Variants in DNAJC16 observed in about 807,000 individuals in gnomAD.
DNAJC16 encodes the protein DnaJ heat shock protein family (Hsp40) member C16, also known as dnaJ homolog subfamily C member 16.
Under a neutral mutation model 92.7 loss-of-function variants are expected in DNAJC16, and 76 were observed. The observed-to-expected ratio is 0.82, with a 90% CI of 0.68 to 0.99. DNAJC16 has a LOEUF of 0.99. Ranked by LOEUF, DNAJC16 falls within the 50% of genes least tolerant of loss-of-function variation. The pLI, the probability that DNAJC16 is intolerant of heterozygous loss-of-function variation, is 0.00. For missense variants in DNAJC16, 869 were observed against 942.4 expected (o/e 0.92, Z 1.02); for synonymous variants, 328 against 358.7 (o/e 0.91, Z 0.97).
At chr1:15,565,292 T>A (rs1417498729) in intron 11 of DNAJC16, 1 of 154,204 alleles carries the variant, frequency 6.5e-6, no homozygotes, top group Non-Finnish European at 1.4e-5. Context: ...GTCCAGTGTA[T>A]AGATGTAAAA....
intron 1 of DNAJC16, among the ~76,000 whole-genome samples, chr1:15,528,038 T>G (rs1260456566): frequency 6.6e-6 from 1 of 152,262 alleles, no homozygotes; most frequent in Non-Finnish European, 1.5e-5. Context: ...CTTGAAACTT[T>G]TAAAGACCAC....
intron 7 of DNAJC16, among the ~76,000 whole-genome samples, chr1:15,558,797 C>T (rs1376989793): frequency 6.6e-6 from 1 of 152,148 alleles, no homozygotes; most frequent in Admixed American, 6.6e-5. Context: ...GGTTTTGTAA[C>T]CTGCCTTTTA....
chr1:15,541,730 G>A (rs1710935545), intron 4 of DNAJC16, among the ~76,000 whole-genome samples: 1 of 152,168 alleles, frequency 6.6e-6, no homozygotes, highest in Admixed American at 6.5e-5. Flanking sequence ...GATGTACAAG[G>A]ATGCCCGTCA....
At chr1:15,539,250 T>C (rs897724443) in intron 4 of DNAJC16, among the ~76,000 whole-genome samples, 4 of 151,784 alleles carry the variant, frequency 2.6e-5, no homozygotes, top group Admixed American at 6.6e-5. Context: ...TTTATTTTTT[T>C]TTTTTATTTT....
At chr1:15,552,323 TA>T (rs569635595) in intron 7 of DNAJC16, among the ~76,000 whole-genome samples, 6 of 150,294 alleles carry the variant, frequency 4.0e-5, no homozygotes, top group African/African-American at 1.2e-4. Context: ...CTGTTTCTAC[TA>T]AAAAAAAATA....
At chr1:15,539,156 C>T (rs551728193) in intron 4 of DNAJC16, among the ~76,000 whole-genome samples, 69 of 152,222 alleles carry the variant, frequency 4.5e-4, no homozygotes, top group Non-Finnish European at 7.4e-4. Flanking sequence ...TTTTAATTCC[C>T]GAGGGTGTGC....
chr1:15,549,774 G>A (rs190692842), intron 7 of DNAJC16, among the ~76,000 whole-genome samples: 1,656 of 134,852 alleles, frequency 0.012, 39 homozygotes, highest in African/African-American at 0.044. Context: ...AGATCACGCC[G>A]CCCACTGCAC....
intron 1 of DNAJC16, among the ~76,000 whole-genome samples, chr1:15,528,074 A>C (rs1710562092): frequency 6.6e-6 from 1 of 152,180 alleles, no homozygotes; most frequent in East Asian, 1.9e-4. Flanking sequence ...TTTGCCGTTA[A>C]TTCTTCTTCA....
intron 3 of DNAJC16, among the ~76,000 whole-genome samples, chr1:15,535,975 G>A (rs1710770126): frequency 6.6e-6 from 1 of 151,034 alleles, no homozygotes; most frequent in African/African-American, 2.4e-5. Context: ...ATGTGGTCCA[G>A]GCTGGTCTTG....
Position 15,530,072 on chromosome 1 carries a change from A to G in DNAJC16, c.167+800A>G, listed in dbSNP as rs1284397095. Among the ~76,000 whole-genome samples, 3 of 152,062 alleles carry G rather than the reference A, an allele frequency of 2.0e-5. No individual in the cohort carries two copies. The South Asian group carries it at 6.2e-4, about 32-fold the overall frequency. On this transcript the variant is annotated intron_variant, in intron 2 of 14. Transcript: ENST00000375847. ...AAAATATTATATTTTGGTTGGTGGAATCCATGGATGTGAAACCAACAGATA... is the reference window on the plus strand; with the variant it reads ...AAAATATTATATTTTGGTTGGTGGAGTCCATGGATGTGAAACCAACAGATA...
At chr1:15,555,096 C>T (rs1053482299) in intron 7 of DNAJC16, among the ~76,000 whole-genome samples, 27 of 149,426 alleles carry the variant, frequency 1.8e-4, no homozygotes, top group Non-Finnish European at 1.5e-4. Context: ...AGAATGTAGG[C>T]CAGGCGCGGT....
intron 8 of DNAJC16, among the ~76,000 whole-genome samples, chr1:15,561,106 A>G (rs1241038670): frequency 1.5e-5 from 2 of 132,704 alleles, no homozygotes; most frequent in Non-Finnish European, 3.3e-5. Flanking sequence ...TCCCCTTTTC[A>G]TCTTTTTTTT....
intron 2 of DNAJC16, among the ~76,000 whole-genome samples, chr1:15,533,601 C>T (rs1416449268): frequency 6.6e-6 from 1 of 152,056 alleles, no homozygotes; most frequent in Admixed American, 6.6e-5. Context: ...GCATTCCAGT[C>T]TGGGCAACAG....
chr1:15,538,289 G>A (rs1380950972), intron 4 of DNAJC16, among the ~76,000 whole-genome samples: 1 of 152,092 alleles, frequency 6.6e-6, no homozygotes, highest in East Asian at 1.9e-4. Context: ...CAGCTACTCC[G>A]GAGGCTGAGG....
rs201044416 is a variant in DNAJC16 at position 15,566,173 on chromosome 1, A to G, written c.1771A>G (p.Asn591Asp). 194 of 1,613,776 alleles carry G rather than the reference A, an allele frequency of 1.2e-4. 2 individuals carry two copies. The East Asian group carries it at 2.8e-3, about 23-fold the overall frequency. The change falls in exon 13 of 15, where the codon AAC becomes GAC. Residue 591 changes from asparagine to aspartate, a missense_variant. Asn to Asp is a conservative substitution (Grantham distance 23). Coordinates refer to ENST00000375847, the MANE Select transcript of DNAJC16 (RefSeq NM_015291.4). ...AACTGAGCCAAGCTTCACCAAAGAA[A>G]ACAGCAGGTTTCTCTAACAAAACAC... ...GKTEPSFTKE[N>D]SSKIPKKGFV...
At chr1:15,535,023 G>T (rs1710747680) in intron 3 of DNAJC16, among the ~76,000 whole-genome samples, 1 of 152,222 alleles carries the variant, frequency 6.6e-6, no homozygotes, top group Non-Finnish European at 1.5e-5. Flanking sequence ...GCATCAAAGA[G>T]AATTCAGTGG....
intron 6 of DNAJC16, among the ~76,000 whole-genome samples, chr1:15,547,994 C>T (rs1393650994): frequency 2.0e-5 from 3 of 152,114 alleles, no homozygotes; most frequent in Non-Finnish European, 4.4e-5. Flanking sequence ...CAGGTAATCC[C>T]CAAACTCATG....
chr1:15,559,260 C>T (rs1638638402), intron 7 of DNAJC16, among the ~76,000 whole-genome samples: 1 of 152,094 alleles, frequency 6.6e-6, no homozygotes, highest in Non-Finnish European at 1.5e-5. Flanking sequence ...TTTAATTTGT[C>T]AGCATAAAAC....
At chr1:15,539,672 G>GT (rs1411952412) in intron 4 of DNAJC16, among the ~76,000 whole-genome samples, 1 of 151,894 alleles carries the variant, frequency 6.6e-6, no homozygotes, top group African/African-American at 2.4e-5. Flanking sequence ...AGCCTCCCAA[G>GT]TAGCTGAGAT....
Sources: allele counts gnomAD v4.1 joint callset (sites outside exome capture counted in the v4.1 genomes callset), GRCh38; gene constraint gnomAD v4.1.1; transcripts MANE v1.5; gene names NCBI Gene and HGNC (gene_info 2026-07-23, HGNC 2026-07-21).